ADAM7: variants seen among roughly 807,000 people sequenced by gnomAD.
The protein encoded by ADAM7 is disintegrin and metalloproteinase domain-containing protein 7.
Under a neutral mutation model 102.9 loss-of-function variants are expected in ADAM7, and 97 were observed. The observed-to-expected ratio is 0.94, with a 90% CI of 0.80 to 1.12. The LOEUF is 1.12. Among genes scored for constraint, ADAM7 ranks in the 50% most tolerant of loss-of-function variants. The pLI is 0.00. For missense variants in ADAM7, 991 were observed against 908.7 expected (o/e 1.09, Z -1.16); for synonymous variants, 334 against 304.4 (o/e 1.10, Z -1.01).
At chr8:24,507,666 G>T (rs878995328) in intron 21 of ADAM7, 131 bp downstream of exon 21, 8 of 666,868 alleles carry the variant, frequency 1.2e-5, no homozygotes, top group African/African-American at 2.9e-5. Context: ...AGGAAGGTTA[G>T]AATTTTTTTT....
rs768147095 is a variant in ADAM7 at position 24,500,276 on chromosome 8, A to G, written c.2002+20A>G. 3.8e-6 allele frequency: 6 copies of G among 1,591,726 alleles called. No individual in the cohort carries two copies. In the African/African-American group the frequency reaches 6.7e-5, roughly 18 times the overall value. ...TTACCAGTGAGCATCCTAAAACAAA[A>G]TCTTTCATATATCAAAAGCCTACCC... On this transcript the variant is annotated intron_variant, in intron 18 of 21. Transcript: ENST00000175238.
At chr8:24,448,660 A>C (rs1192673526) in intron 3 of ADAM7, among the ~76,000 whole-genome samples, 2 of 29,108 alleles carry the variant, frequency 6.9e-5, no homozygotes, top group East Asian at 6.6e-4. Context: ...CAGCTTGTTT[A>C]TTATTATTAT....
chr8:24,504,029 AAAATAAAAT>A (rs1820858224), intron 20 of ADAM7, among the ~76,000 whole-genome samples: 2 of 49,510 alleles, frequency 4.0e-5, no homozygotes, highest in Admixed American at 2.9e-4. Context: ...GTACAAAAAT[AAAATAAAAT>A]AAAATAAAAT....
intron 2 of ADAM7, among the ~76,000 whole-genome samples, chr8:24,443,990 A>T (rs2129371642): frequency 6.6e-6 from 1 of 151,316 alleles, no homozygotes; most frequent in South Asian, 2.1e-4. Flanking sequence ...TATCATTATG[A>T]ATATACCAGA....
intron 20 of ADAM7, 36 bp downstream of exon 20, chr8:24,501,612 ATT>A (rs3071035): frequency 0.32 from 424,938 of 1,312,540 alleles, 61,885 homozygotes; most frequent in South Asian, 0.41. Flanking sequence ...TAATTTATTG[ATT>A]TTTTTTTTTT....
intron 12 of ADAM7, among the ~76,000 whole-genome samples, 200 bp downstream of exon 12, chr8:24,489,533 A>G (rs1820266227): frequency 6.6e-6 from 1 of 152,174 alleles, no homozygotes; most frequent in Non-Finnish European, 1.5e-5. Flanking sequence ...GTCATGAAAC[A>G]TGTGTAATGA....
intron 3 of ADAM7, among the ~76,000 whole-genome samples, chr8:24,455,122 T>G (rs1037494792): frequency 4.6e-5 from 7 of 152,108 alleles, no homozygotes; most frequent in Admixed American, 1.3e-4. Flanking sequence ...TGCATCTAGT[T>G]AATGTTCCCA....
intron 3 of ADAM7, among the ~76,000 whole-genome samples, chr8:24,456,194 T>C (rs1476167951): frequency 6.6e-6 from 1 of 152,238 alleles, no homozygotes; most frequent in Non-Finnish European, 1.5e-5. Flanking sequence ...TCAATTTTTC[T>C]AGATTCCACA....
intron 17 of ADAM7, among the ~76,000 whole-genome samples, chr8:24,499,673 G>A (rs931385341): frequency 5.9e-5 from 9 of 151,982 alleles, no homozygotes; most frequent in Non-Finnish European, 1.0e-4. Context: ...AAGCTTTTGA[G>A]AAAATCAGCA....
At chr8:24,480,221 A>G (rs1418181087) in intron 8 of ADAM7, among the ~76,000 whole-genome samples, 4 of 152,196 alleles carry the variant, frequency 2.6e-5, no homozygotes, top group South Asian at 2.1e-4. Flanking sequence ...GTAAGCATAC[A>G]TACAAAATTG....
At chr8:24,489,027 C>T (rs566292123) in intron 11 of ADAM7, 132 bp from the exon 12 acceptor site, 8 of 717,102 alleles carry the variant, frequency 1.1e-5, no homozygotes, top group Middle Eastern at 4.0e-4. Flanking sequence ...AATAAAGGAC[C>T]CAGTTACTTC....
chr8:24,488,724 T>C (rs1239689096), intron 11 of ADAM7, among the ~76,000 whole-genome samples: 4 of 152,198 alleles, frequency 2.6e-5, no homozygotes, highest in Non-Finnish European at 5.9e-5. Flanking sequence ...CTGTTTGTCT[T>C]AATAAATTTA....
Position 24,468,818 on chromosome 8 carries a change from G to A in ADAM7, c.631G>A (p.Val211Met). Reference sequence around the variant, plus strand: ...ATTGTTCATTGTTGCTGATGATACTGTGGTAAGTTTTCAATAGAACATTTC... The same window carrying A: ...ATTGTTCATTGTTGCTGATGATACTATGGTAAGTTTTCAATAGAACATTTC... ...VELFIVADDTVYRRNGHPHNK... is the reference protein window; with the variant it reads ...VELFIVADDTMYRRNGHPHNK... Residue 211 changes from valine to methionine, a missense_variant and splice_region_variant, in exon 7 of 22, where the codon GTG becomes ATG. Coordinates refer to ENST00000175238, the MANE Select transcript of ADAM7 (RefSeq NM_003817.4). 1 of 1,612,430 alleles carries A rather than the reference G, an allele frequency of 6.2e-7. No individual in the cohort carries two copies.
Position 24,476,486 on chromosome 8 carries a change from G to A in ADAM7, c.687G>A (p.Met229Ile). The change falls in exon 8 of 22, where the codon ATG (methionine) becomes ATA (isoleucine). Residue 229 changes from methionine to isoleucine, a missense_variant. Physicochemically the swap from Met to Ile is conservative, Grantham distance 10. Transcript: ENST00000175238. ...HNKLRNRIWG[M>I]VNFVNMIYKT... ...AACTAAGGAACCGAATTTGGGGAAT[G>A]GTCAATTTTGTCAACATGGTAAGAT... is the stretch of plus-strand genomic sequence containing the variant. 6.2e-7 allele frequency: 1 copy of A among 1,608,432 alleles called. No homozygotes were observed.
chr8:24,492,620 G>T, intron 15 of ADAM7, 23 bp downstream of exon 15: 6 of 1,568,330 alleles, frequency 3.8e-6, no homozygotes, highest in Non-Finnish European at 5.3e-6. Flanking sequence ...TGGAAAAAAA[G>T]TAATTTGCCT....
chr8:24,463,339 C>T (rs527850258), intron 3 of ADAM7, among the ~76,000 whole-genome samples: 1 of 152,230 alleles, frequency 6.6e-6, no homozygotes, highest in East Asian at 1.9e-4. Flanking sequence ...AGGCTTTATT[C>T]AGGCCCATCA....
chr8:24,457,119 T>A (rs1433469879), intron 3 of ADAM7, among the ~76,000 whole-genome samples: 1 of 152,240 alleles, frequency 6.6e-6, no homozygotes, highest in Non-Finnish European at 1.5e-5. Flanking sequence ...CATTTTATAC[T>A]GTCACTTTAA....
intron 16 of ADAM7, 114 bp from the exon 17 acceptor site, chr8:24,499,121 AT>A (rs1475105696): frequency 4.1e-5 from 30 of 735,454 alleles, no homozygotes; most frequent in African/African-American, 3.7e-4. Context: ...GTAAATTGAA[AT>A]TTTTCATATG....
chr8:24,492,221 C>T (rs1820384034), intron 14 of ADAM7, 123 bp downstream of exon 14: 1 of 990,192 alleles, frequency 1.0e-6, no homozygotes, highest in Non-Finnish European at 1.5e-6. Flanking sequence ...CAAGATATTG[C>T]TTAGCATTTC....
Sources: gnomAD v4.1 joint callset for allele counts (sites outside exome capture counted in the v4.1 genomes callset) on GRCh38, gnomAD v4.1.1 for gene constraint, MANE v1.5 for transcripts, NCBI Gene and HGNC (gene_info 2026-07-23, HGNC 2026-07-21) for gene names.